USH2A: variants seen among roughly 807,000 people sequenced by gnomAD.
USH2A encodes usherin.
A neutral mutation model predicts 538.9 loss-of-function variants in USH2A; 443 were observed. That is an observed-to-expected ratio of 0.82 (90% CI 0.76 to 0.89). The LOEUF (loss-of-function observed/expected upper bound fraction) is 0.89. Among genes scored for constraint, USH2A ranks in the 40% least tolerant of loss-of-function variants. USH2A has a pLI of 0.00. For missense variants in USH2A, 6,633 were observed against 6,324.8 expected, an observed-to-expected ratio of 1.05 and a Z score of -1.65; for synonymous variants, 2,413 against 2,273.5, an observed-to-expected ratio of 1.06 and a Z score of -1.75.
At chr1:216,285,353 C>T (rs2036861182) in intron 11 of USH2A, among the ~76,000 whole-genome samples, 1 of 152,226 alleles carries the variant, frequency 6.6e-6, no homozygotes, top group Admixed American at 6.5e-5. Context: ...CAGCTCCAAG[C>T]CTTGGCAGCT....
chr1:216,206,124 C>G (rs946787215), intron 16 of USH2A, among the ~76,000 whole-genome samples: 1 of 151,924 alleles, frequency 6.6e-6, no homozygotes, highest in African/African-American at 2.4e-5. Context: ...AGTTCTTTAA[C>G]CTGAGAATTA....
chr1:215,753,092 A>C (rs758573783), intron 58 of USH2A, among the ~76,000 whole-genome samples: 8 of 152,238 alleles, frequency 5.3e-5, no homozygotes, highest in Non-Finnish European at 1.2e-4. Flanking sequence ...AGAGAAATGC[A>C]AGTCAAAACC....
intron 71 of USH2A, among the ~76,000 whole-genome samples, chr1:215,627,272 G>T (rs539762574): frequency 1.3e-5 from 2 of 152,238 alleles, no homozygotes; most frequent in East Asian, 3.9e-4. Flanking sequence ...GCAGATGATT[G>T]AAAGAAGTGG....
At chr1:215,765,139 T>C (rs1251331251) in intron 56 of USH2A, among the ~76,000 whole-genome samples, 1 of 152,136 alleles carries the variant, frequency 6.6e-6, no homozygotes, top group Non-Finnish European at 1.5e-5. Context: ...TAGAGAGAAA[T>C]GGAACAAGAG....
chr1:215,641,265 A>G (rs902574912), intron 67 of USH2A, among the ~76,000 whole-genome samples: 1 of 152,162 alleles, frequency 6.6e-6, no homozygotes, highest in Non-Finnish European at 1.5e-5. Context: ...GCACCCATTT[A>G]TTGTTAAAGC....
chr1:215,974,956 A>G (rs919250703), intron 35 of USH2A, among the ~76,000 whole-genome samples: 3 of 152,188 alleles, frequency 2.0e-5, no homozygotes, highest in Admixed American at 6.5e-5. Flanking sequence ...TCCCACCAAC[A>G]GTATATAAGC....
intron 49 of USH2A, among the ~76,000 whole-genome samples, chr1:215,809,552 C>A: frequency 6.6e-6 from 1 of 151,886 alleles, no homozygotes; most frequent in South Asian, 2.1e-4. Flanking sequence ...GGATCAGTCA[C>A]CTTCTCATTA....
At chr1:216,121,044 ATTTAT>A (rs1157292856) in intron 21 of USH2A, among the ~76,000 whole-genome samples, 1 of 152,202 alleles carries the variant, frequency 6.6e-6, no homozygotes, top group Non-Finnish European at 1.5e-5. Flanking sequence ...GTATTTGAAC[ATTTAT>A]TTAAGAGGTG....
intron 20 of USH2A, among the ~76,000 whole-genome samples, chr1:216,180,920 T>C (rs534850383): frequency 4.8e-4 from 73 of 152,254 alleles, no homozygotes; most frequent in African/African-American, 1.6e-3. Flanking sequence ...GTCCAGGTCA[T>C]GAGCCCTGAT....
chr1:216,292,066 G>A, intron 10 of USH2A, 109 bp downstream of exon 10: 1 of 1,286,930 alleles, frequency 7.8e-7, no homozygotes, highest in Non-Finnish European at 1.1e-6. Flanking sequence ...TTAAAGGTAT[G>A]AAAGTACATC....
At chr1:216,376,947 C>T (rs964157312) in intron 3 of USH2A, among the ~76,000 whole-genome samples, 3 of 152,038 alleles carry the variant, frequency 2.0e-5, no homozygotes, top group African/African-American at 7.2e-5. Flanking sequence ...GGTAGAACAT[C>T]CCATTATATA....
chr1:215,840,171 A>C (rs1168540923), intron 46 of USH2A, among the ~76,000 whole-genome samples: 1 of 135,946 alleles, frequency 7.4e-6, no homozygotes, highest in African/African-American at 2.9e-5. Context: ...CTCAAAAAAA[A>C]AAAAAAAAAA....
chr1:216,111,999 C>G (rs749031841), intron 21 of USH2A, among the ~76,000 whole-genome samples: 4 of 151,696 alleles, frequency 2.6e-5, no homozygotes, highest in Non-Finnish European at 5.9e-5. Context: ...CAAAACAGTT[C>G]CTAAATTAGA....
At chr1:215,712,671 C>A (rs1444127394) in intron 61 of USH2A, among the ~76,000 whole-genome samples, 1 of 152,186 alleles carries the variant, frequency 6.6e-6, no homozygotes, top group African/African-American at 2.4e-5. Flanking sequence ...CTTGGGTCAA[C>A]TGCCACAAGA....
intron 16 of USH2A, among the ~76,000 whole-genome samples, chr1:216,201,091 A>G (rs1055921204): frequency 4.7e-5 from 7 of 148,250 alleles, no homozygotes; most frequent in South Asian, 4.3e-4. Context: ...GGAAAAGCTG[A>G]GTTTGCAGAA....
At chr1:216,333,830 A>C (rs2037917650) in intron 4 of USH2A, among the ~76,000 whole-genome samples, 1 of 152,110 alleles carries the variant, frequency 6.6e-6, no homozygotes, top group African/African-American at 2.4e-5. Context: ...CGTAAAAAAA[A>C]ACTGTACACC....
At chr1:216,336,934 T>G (rs2102672822) in intron 4 of USH2A, among the ~76,000 whole-genome samples, 1 of 151,510 alleles carries the variant, frequency 6.6e-6, no homozygotes, top group South Asian at 2.1e-4. Context: ...CTTCGACAAA[T>G]TTCTTTAGGA....
intron 32 of USH2A, among the ~76,000 whole-genome samples, chr1:216,013,418 T>C (rs1259042467): frequency 1.3e-5 from 2 of 151,854 alleles, no homozygotes; most frequent in East Asian, 3.9e-4. Flanking sequence ...ACTTTACCAC[T>C]ATTTCATTTT....
At chr1:216,272,166 T>C (rs1217258100) in intron 11 of USH2A, among the ~76,000 whole-genome samples, 1 of 152,184 alleles carries the variant, frequency 6.6e-6, no homozygotes, top group Non-Finnish European at 1.5e-5. Flanking sequence ...TTTTTAGATA[T>C]GAATTAAATG....
Sources: allele counts gnomAD v4.1 joint callset (sites outside exome capture counted in the v4.1 genomes callset), GRCh38; gene constraint gnomAD v4.1.1; transcripts MANE v1.5; gene names NCBI Gene and HGNC (gene_info 2026-07-23, HGNC 2026-07-21).